Variants in B3GALT1 observed in about 807,000 individuals in gnomAD.
B3GALT1 encodes beta-1,3-galactosyltransferase 1, also known as UDP-Gal:betaGlcNAc beta 1,3-galactosyltransferase, polypeptide 1.
In B3GALT1, 10 loss-of-function variants were observed where a neutral mutation model predicts 23.2. That is an observed-to-expected ratio of 0.43 (90% CI 0.27 to 0.73). The LOEUF (loss-of-function observed/expected upper bound fraction) is 0.73. Among genes scored for constraint, B3GALT1 ranks in the 30% least tolerant of loss-of-function variants. The pLI is 0.21. For synonymous variants in B3GALT1, 156 were observed against 141.5 expected (o/e 1.10, Z -0.73); for missense variants, 299 against 405.4 (o/e 0.74, Z 2.25).
At position 167,564,463 on chromosome 2, in the gene B3GALT1, C is replaced by T. The variant is rs556959847; in HGVS notation, c.-410+74186C>T. ...GCTCCCCACCTCCCAGACGGGGTGG[C>T]GGCCGGGCAGAGGCTGCAATCTCGG... On this transcript the variant is annotated intron_variant, in intron 2 of 4. Transcript: ENST00000392690. Among the ~76,000 whole-genome samples the T allele has an allele frequency of 1.3e-3, 204 of 152,260 alleles. 1 individual carries two copies. The highest frequency in any genetic ancestry group is 4.6e-3 in the African/African-American group (190 of 41,556).
chr2:167,535,703 T>A (rs1390748567), intron 2 of B3GALT1, among the ~76,000 whole-genome samples: 2 of 152,126 alleles, frequency 1.3e-5, no homozygotes, highest in African/African-American at 4.8e-5. Context: ...ATTTTCAGAG[T>A]AATAAGATTG....
intron 2 of B3GALT1, among the ~76,000 whole-genome samples, chr2:167,520,262 G>A (rs1400256172): frequency 6.6e-6 from 1 of 152,044 alleles, no homozygotes; most frequent in Non-Finnish European, 1.5e-5. Flanking sequence ...ACCATGTAAT[G>A]CAGTCTTTTT....
In B3GALT1 at chr2:167,545,894, G is replaced by A. The variant is rs577862569; in HGVS notation, c.-410+55617G>A. Among the ~76,000 whole-genome samples the A allele has an allele frequency of 2.7e-3, 412 of 152,276 alleles. 2 individuals are homozygous for A. Among genetic ancestry groups the A allele is most frequent in the African/African-American group, 9.4e-3 (389 of 41,550 alleles). ...AAGGTTTGGGAATATTTGCATATAC[G>A]TAATGAGTTATCTTGGGGATGGGAC... On this transcript the variant is annotated intron_variant, in intron 2 of 4. Coordinates refer to ENST00000392690, the MANE Select transcript of B3GALT1 (RefSeq NM_020981.4).
chr2:167,442,129 G>GTTTGGT (rs1208812960), intron 1 of B3GALT1, among the ~76,000 whole-genome samples: 3 of 150,982 alleles, frequency 2.0e-5, no homozygotes, highest in Non-Finnish European at 4.4e-5. Flanking sequence ...AATATGCACT[G>GTTTGGT]TTTGGTTTTT....
intron 3 of B3GALT1, among the ~76,000 whole-genome samples, chr2:167,692,093 G>A (rs1167839172): frequency 1.3e-5 from 2 of 152,098 alleles, no homozygotes; most frequent in Non-Finnish European, 2.9e-5. Context: ...GTGGCCAGGT[G>A]TATTTGCCTC....
intron 3 of B3GALT1, chr2:167,714,453 G>A (rs1196132569): frequency 6.3e-7 from 1 of 1,593,236 alleles, no homozygotes; most frequent in South Asian, 1.1e-5. Flanking sequence ...AACAAAGTTT[G>A]AGGAGAGAGA....
At chr2:167,306,195 C>A (rs1026962841) in intron 1 of B3GALT1, among the ~76,000 whole-genome samples, 1 of 151,864 alleles carries the variant, frequency 6.6e-6, no homozygotes, top group African/African-American at 2.4e-5. Context: ...AAATGGCCAA[C>A]AATAGACTTA....
chr2:167,550,278 A>G (rs931957319), intron 2 of B3GALT1, among the ~76,000 whole-genome samples: 1 of 152,228 alleles, frequency 6.6e-6, no homozygotes, highest in East Asian at 1.9e-4. Context: ...TTTAGATGCA[A>G]GTCTGAGTAC....
intron 1 of B3GALT1, among the ~76,000 whole-genome samples, chr2:167,311,572 T>C (rs1367210846): frequency 6.6e-6 from 1 of 152,008 alleles, no homozygotes. Context: ...AACTATAATA[T>C]AGCTCTATAA....
rs1553510007 is a variant in B3GALT1, at chr2:167,303,682, C to CAGAG, written c.-511+10354_-511+10357dup. ...ACACACACACACACACACACACACA[C>CAGAG]AGAGAGAGACCTTGTTGCTGCCATT... On this transcript the variant is annotated intron_variant, in intron 1 of 4. Coordinates refer to ENST00000392690, the MANE Select transcript of B3GALT1 (RefSeq NM_020981.4). Among the ~76,000 whole-genome samples, 34 of 148,828 alleles carry CAGAG rather than the reference C, an allele frequency of 2.3e-4. 1 individual carries two copies. The highest frequency in any genetic ancestry group is 6.5e-4 in the African/African-American group (26 of 40,074).
Position 167,438,219 on chromosome 2 carries a change from G to A in B3GALT1, c.-510-51958G>A, listed in dbSNP as rs184543846. ...ATATCCCCACATAGACCACGAGAGG[G>A]GCAAGATGGATACTTGCCCTCCAGC... On this transcript the variant is annotated intron_variant, in intron 1 of 4. Transcript: ENST00000392690. 8.5e-5 allele frequency among the ~76,000 whole-genome samples: 13 copies of A among 152,264 alleles called. 1 individual carries two copies. In the East Asian group the frequency reaches 2.5e-3, roughly 29 times the overall value.
chr2:167,375,018 G>A lies in B3GALT1; in HGVS notation c.-511+81684G>A, dbSNP rs116046460. 6.8e-3 allele frequency among the ~76,000 whole-genome samples: 1,028 copies of A among 152,160 alleles called. 13 individuals carry two copies. The highest frequency in any genetic ancestry group is 0.023 in the African/African-American group (974 of 41,536). On this transcript the variant is annotated intron_variant, in intron 1 of 4. Coordinates refer to ENST00000392690, the MANE Select transcript of B3GALT1 (RefSeq NM_020981.4). ...TCTTGAGTTCATTTTTGGATATGGCGAAAGATAGGGGTCCAGTTTCATTCT... is the reference window on the plus strand; with the variant it reads ...TCTTGAGTTCATTTTTGGATATGGCAAAAGATAGGGGTCCAGTTTCATTCT...
At chr2:167,699,378 C>CCAT (rs1686840047) in intron 3 of B3GALT1, among the ~76,000 whole-genome samples, 1 of 78,686 alleles carries the variant, frequency 1.3e-5, no homozygotes, top group Non-Finnish European at 2.5e-5. Flanking sequence ...GCCATTATTT[C>CCAT]TATTTTTTTT....
At chr2:167,603,913 A>G (rs1334409605) in intron 2 of B3GALT1, among the ~76,000 whole-genome samples, 1 of 151,918 alleles carries the variant, frequency 6.6e-6, no homozygotes, top group Admixed American at 6.6e-5. Flanking sequence ...TTCAAATCAC[A>G]TAGAACAAAA....
intron 3 of B3GALT1, among the ~76,000 whole-genome samples, chr2:167,717,080 A>C (rs1687156197): frequency 6.6e-6 from 1 of 152,212 alleles, no homozygotes; most frequent in Non-Finnish European, 1.5e-5. Context: ...CTGTGAAAAT[A>C]AAGTGAGCAT....
intron 1 of B3GALT1, among the ~76,000 whole-genome samples, chr2:167,359,053 G>A (rs558352573): frequency 6.4e-4 from 98 of 152,236 alleles, no homozygotes; most frequent in African/African-American, 2.3e-3. Flanking sequence ...GCCTGCCTTG[G>A]CCTCCCAAAG....
At chr2:167,723,326 G>A (rs919968333) in intron 3 of B3GALT1, among the ~76,000 whole-genome samples, 3 of 152,188 alleles carry the variant, frequency 2.0e-5, no homozygotes, top group Non-Finnish European at 4.4e-5. Context: ...AAAAACTAAA[G>A]AGGAGTGAAA....
intron 3 of B3GALT1, among the ~76,000 whole-genome samples, chr2:167,733,419 ATT>A (rs11326575): frequency 2.6e-4 from 39 of 148,000 alleles, no homozygotes; most frequent in African/African-American, 9.4e-4. Flanking sequence ...TTTTATTGAG[ATT>A]TTTTTTTTTT....
At chr2:167,564,431 C>T (rs1018103570) in intron 2 of B3GALT1, among the ~76,000 whole-genome samples, 4 of 150,748 alleles carry the variant, frequency 2.7e-5, no homozygotes, top group Admixed American at 6.6e-5. Context: ...GGCGGCCAGG[C>T]GGAGACGCTC....
Sources: gnomAD v4.1 joint callset for allele counts (sites outside exome capture counted in the v4.1 genomes callset) on GRCh38, gnomAD v4.1.1 for gene constraint, MANE v1.5 for transcripts, NCBI Gene and HGNC (gene_info 2026-07-23, HGNC 2026-07-21) for gene names.